SGCZ: variants seen among roughly 807,000 people sequenced by gnomAD.
SGCZ encodes sarcoglycan zeta.
Under a neutral mutation model 41.3 loss-of-function variants are expected in SGCZ, and 40 were observed. That is an observed-to-expected ratio of 0.97 (90% CI 0.75 to 1.26). SGCZ has a LOEUF of 1.26. SGCZ is among the 50% of genes most tolerant of loss of function. SGCZ has a pLI of 0.00. For synonymous variants in SGCZ, 206 were observed against 137.5 expected (o/e 1.50, Z -3.49); for missense variants, 552 against 369.8 (o/e 1.49, Z -4.04).
intron 2 of SGCZ, among the ~76,000 whole-genome samples, chr8:14,427,061 TGAATGAGTGAATGAAC>T (rs1799805676): frequency 2.1e-5 from 2 of 95,456 alleles, no homozygotes; most frequent in African/African-American, 6.1e-5. Context: ...AATGAATGAA[TGAATGAGTGAATGAAC>T]GAATGAATGA....
chr8:14,592,410 T>C (rs1395215398), intron 1 of SGCZ, among the ~76,000 whole-genome samples: 1 of 152,150 alleles, frequency 6.6e-6, no homozygotes, highest in African/African-American at 2.4e-5. Flanking sequence ...CTTTAAAGTA[T>C]ACATGCTATA....
At chr8:14,926,410 T>C (rs563804057) in intron 1 of SGCZ, among the ~76,000 whole-genome samples, 1 of 152,294 alleles carries the variant, frequency 6.6e-6, no homozygotes, top group Admixed American at 6.5e-5. Flanking sequence ...TATTCTTTGA[T>C]TTTGCTAAAT....
chr8:14,297,293 C>T (rs1358673339), intron 3 of SGCZ, among the ~76,000 whole-genome samples: 1 of 151,630 alleles, frequency 6.6e-6, no homozygotes, highest in African/African-American at 2.4e-5. Context: ...GAGAGAAATA[C>T]AGATCTTAAA....
At chr8:14,470,044 T>C (rs1339822279) in intron 2 of SGCZ, among the ~76,000 whole-genome samples, 1 of 152,104 alleles carries the variant, frequency 6.6e-6, no homozygotes, top group Non-Finnish European at 1.5e-5. Context: ...GTTCTAGATG[T>C]CTGGACTGAT....
intron 1 of SGCZ, among the ~76,000 whole-genome samples, chr8:15,009,382 G>A (rs577926235): frequency 1.6e-3 from 43 of 27,334 alleles, no homozygotes; most frequent in African/African-American, 4.2e-3. Flanking sequence ...ATCATCTCCC[G>A]CCAGGCCCCA....
chr8:14,730,080 C>T (rs1309132098), intron 1 of SGCZ, among the ~76,000 whole-genome samples: 1 of 152,106 alleles, frequency 6.6e-6, no homozygotes, highest in Non-Finnish European at 1.5e-5. Context: ...ACTGAGACAG[C>T]GTCTCAAAAA....
At chr8:14,136,659 G>A (rs1021914916) in intron 5 of SGCZ, among the ~76,000 whole-genome samples, 13 of 152,108 alleles carry the variant, frequency 8.5e-5, no homozygotes, top group Non-Finnish European at 1.6e-4. Context: ...AGCTCCAACT[G>A]GATGCAGCCC....
intron 1 of SGCZ, among the ~76,000 whole-genome samples, chr8:15,032,774 G>C (rs1803724203): frequency 6.6e-6 from 1 of 151,934 alleles, no homozygotes; most frequent in Non-Finnish European, 1.5e-5. Context: ...GCCTGCCCTA[G>C]TACCAGGTCA....
chr8:14,712,633 T>G (rs1809557438), intron 1 of SGCZ, among the ~76,000 whole-genome samples: 1 of 152,142 alleles, frequency 6.6e-6, no homozygotes, highest in South Asian at 2.1e-4. Context: ...ACCTCTTGGA[T>G]TCCAGCCTCA....
chr8:14,772,794 A>G (rs561606601), intron 1 of SGCZ, among the ~76,000 whole-genome samples: 58 of 152,154 alleles, frequency 3.8e-4, no homozygotes, highest in African/African-American at 1.3e-3. Context: ...TCCATGGTGT[A>G]TATGTGCCAC....
intron 2 of SGCZ, among the ~76,000 whole-genome samples, chr8:14,429,018 C>T (rs138365919): frequency 6.6e-6 from 1 of 152,138 alleles, no homozygotes. Context: ...TGATTTATTT[C>T]ATTACTGGCA....
chr8:14,824,912 TG>T (rs1161429497), intron 1 of SGCZ, among the ~76,000 whole-genome samples: 1 of 152,122 alleles, frequency 6.6e-6, no homozygotes, highest in Admixed American at 6.5e-5. Context: ...ACCAATTTTT[TG>T]TCAACATTCT....
intron 4 of SGCZ, among the ~76,000 whole-genome samples, chr8:14,182,440 G>A (rs572896421): frequency 3.3e-5 from 5 of 152,214 alleles, no homozygotes; most frequent in Middle Eastern, 3.4e-3. Flanking sequence ...AGGAGGCAGC[G>A]AGGATCTCCA....
intron 2 of SGCZ, among the ~76,000 whole-genome samples, chr8:14,425,121 G>A (rs917440407): frequency 3.3e-5 from 5 of 151,688 alleles, no homozygotes; most frequent in South Asian, 2.1e-4. Context: ...TTTGTCCAGC[G>A]ACAACATTAG....
intron 2 of SGCZ, among the ~76,000 whole-genome samples, chr8:14,399,117 C>A (rs1425387426): frequency 6.6e-6 from 1 of 152,042 alleles, no homozygotes; most frequent in Non-Finnish European, 1.5e-5. Flanking sequence ...AAGAAAGTGG[C>A]ACTCCCATTG....
chr8:14,930,666 A>T (rs13268700), intron 1 of SGCZ, among the ~76,000 whole-genome samples: 38,385 of 151,908 alleles, frequency 0.25, 5,723 homozygotes, highest in Non-Finnish European at 0.33. Context: ...ATAAAAAAGG[A>T]TGAGTTCACG....
At chr8:14,654,871 T>C (rs1807511886) in intron 1 of SGCZ, among the ~76,000 whole-genome samples, 2 of 151,992 alleles carry the variant, frequency 1.3e-5, no homozygotes, top group Admixed American at 6.6e-5. Flanking sequence ...TTCACTATAT[T>C]GGTCAGGCTG....
At chr8:14,807,561 CT>C (rs1801582562) in intron 1 of SGCZ, among the ~76,000 whole-genome samples, 1 of 151,720 alleles carries the variant, frequency 6.6e-6, no homozygotes, top group African/African-American at 2.4e-5. Context: ...CTACAAACCA[CT>C]GCTCAAGGAA....
intron 5 of SGCZ, among the ~76,000 whole-genome samples, chr8:14,112,391 A>G (rs187752821): frequency 0.019 from 2,731 of 143,690 alleles, 51 homozygotes; most frequent in Middle Eastern, 0.077. Flanking sequence ...TTAACAGGAC[A>G]TAAACAGCTA....
Sources: allele counts gnomAD v4.1 joint callset (sites outside exome capture counted in the v4.1 genomes callset), GRCh38; gene constraint gnomAD v4.1.1; transcripts MANE v1.5; gene names NCBI Gene and HGNC (gene_info 2026-07-23, HGNC 2026-07-21).